The following TACC2 variants were observed in gnomAD, a reference collection of about 807,000 sequenced individuals.
TACC2 encodes the protein transforming acidic coiled-coil-containing protein 2.
In TACC2, 137 loss-of-function variants were observed where a neutral mutation model predicts 227.3. The ratio of observed to expected loss-of-function variants is 0.60; its 90% CI spans 0.52 to 0.69. TACC2 has a LOEUF of 0.69. Ranked by LOEUF, TACC2 falls within the 30% of genes least tolerant of loss-of-function variation. The pLI, the probability that TACC2 is intolerant of heterozygous loss-of-function variation, is 0.00. For synonymous variants in TACC2, 1,523 were observed against 1,487.5 expected (o/e 1.02, Z -0.55); for missense variants, 3,470 against 3,694.4 (o/e 0.94, Z 1.57).
intron 1 of TACC2, among the ~76,000 whole-genome samples, chr10:122,012,579 T>C (rs1956087209): frequency 6.6e-6 from 1 of 152,088 alleles, no homozygotes; most frequent in Admixed American, 6.6e-5. Context: ...TTTAATAGAA[T>C]TCAATATATG....
At chr10:122,104,875 C>T (rs367621320) in intron 5 of TACC2, among the ~76,000 whole-genome samples, 4 of 152,210 alleles carry the variant, frequency 2.6e-5, no homozygotes, top group South Asian at 2.1e-4. Flanking sequence ...CCTCTTCCAA[C>T]GCTGGTTAAA....
chr10:122,213,529 A>G (rs2095340411), intron 9 of TACC2, among the ~76,000 whole-genome samples: 1 of 152,230 alleles, frequency 6.6e-6, no homozygotes, highest in Non-Finnish European at 1.5e-5. Flanking sequence ...GGGGCTCCCC[A>G]GTAGCAAAGA....
chr10:122,062,476 AAT>A (rs1491245351), intron 3 of TACC2, among the ~76,000 whole-genome samples: 2 of 39,850 alleles, frequency 5.0e-5, no homozygotes, highest in Non-Finnish European at 1.4e-4. Flanking sequence ...GCTAATTTTG[AAT>A]TTTTTTTTTT....
Position 122,087,775 on chromosome 10 carries a change from G to A in TACC2, c.5275G>A (p.Glu1759Lys). 2.5e-6 allele frequency: 4 copies of A among 1,605,850 alleles called. No homozygotes were observed. Among genetic ancestry groups the A allele is most frequent in the Non-Finnish European group, 3.4e-6 (4 of 1,176,118 alleles). The change falls in exon 4 of 23, where the codon GAG (glutamate) becomes AAG (lysine). Residue 1759 changes from glutamate to lysine, a missense_variant. Glu to Lys is a moderately conservative substitution (Grantham distance 56). Transcript: ENST00000369005. ...CTGCTCTGACAAGGCTCCGGGGATG[G>A]AGGGTACAGCTGCCCTTCATGGGGA... is the stretch of plus-strand genomic sequence containing the variant. The part of the protein sequence containing the change: ...PACSDKAPGM[E>K]GTAALHGDSP...
At position 122,235,233 on chromosome 10, in the gene TACC2, A is replaced by G. The variant is rs112352189; in HGVS notation, c.8128-2162A>G. On this transcript the variant is annotated intron_variant, in intron 16 of 22. Coordinates refer to ENST00000369005, the MANE Select transcript of TACC2 (RefSeq NM_206862.4). ...CTCCCCAGTAGCTGGGATTACAGGC[A>G]TGCACCACCACACCTGGCTAGTTTT... Among the ~76,000 whole-genome samples, 21 of 152,234 alleles carry G rather than the reference A, an allele frequency of 1.4e-4. 2 individuals are homozygous for G. The highest frequency in any genetic ancestry group is 4.8e-4 in the African/African-American group (20 of 41,550).
intron 16 of TACC2, among the ~76,000 whole-genome samples, chr10:122,230,760 A>G (rs1041135710): frequency 1.3e-5 from 2 of 152,236 alleles, no homozygotes; most frequent in African/African-American, 4.8e-5. Context: ...GTTAGCACCA[A>G]TTCAACAGAG....
intron 19 of TACC2, chr10:122,246,378 G>T (rs2096119644): frequency 6.6e-6 from 1 of 152,196 alleles, no homozygotes; most frequent in Non-Finnish European, 1.5e-5. Flanking sequence ...CGGTAACAGT[G>T]TGCCTAGTCC....
chr10:122,075,052 A>G (rs535990886), intron 3 of TACC2, among the ~76,000 whole-genome samples: 4 of 152,050 alleles, frequency 2.6e-5, no homozygotes, highest in Non-Finnish European at 5.9e-5. Context: ...AACCCTTTCC[A>G]CCAGACTCTA....
At chr10:122,114,470 C>A (rs1379116293) in intron 5 of TACC2, among the ~76,000 whole-genome samples, 2 of 152,204 alleles carry the variant, frequency 1.3e-5, no homozygotes, top group African/African-American at 2.4e-5. Flanking sequence ...AGTTCCCTCC[C>A]GGAGCAGCTG....
At chr10:122,147,599 C>G (rs1195522434) in intron 7 of TACC2, among the ~76,000 whole-genome samples, 1 of 152,126 alleles carries the variant, frequency 6.6e-6, no homozygotes, top group Non-Finnish European at 1.5e-5. Context: ...TTTTTCTGTT[C>G]TCCTTCATTT....
chr10:122,243,617 A>T (rs1289017748), intron 19 of TACC2, among the ~76,000 whole-genome samples: 1 of 145,184 alleles, frequency 6.9e-6, no homozygotes, highest in Non-Finnish European at 1.5e-5. Context: ...TGGATAAGAT[A>T]AAAAAAAAAA....
In TACC2 at chr10:122,109,077, G is replaced by T. The variant is rs984058141; in HGVS notation, c.5573+20486G>T. On this transcript the variant is annotated intron_variant, in intron 5 of 22. Coordinates refer to ENST00000369005, the MANE Select transcript of TACC2 (RefSeq NM_206862.4). ...TGTTAATTGATGGGCATTTGAGCTG[G>T]TTTCATATTTTTTCAGTTGCAAATT... Among the ~76,000 whole-genome samples the T allele has an allele frequency of 9.2e-5, 14 of 152,156 alleles. No individual in the cohort carries two copies. The South Asian group carries it at 2.1e-3, about 23-fold the overall frequency.
chr10:122,132,856 G>A, intron 6 of TACC2, 122 bp downstream of exon 6: 4 of 993,084 alleles, frequency 4.0e-6, no homozygotes, highest in Non-Finnish European at 4.5e-6. Context: ...CACCCCCTCT[G>A]CACACACACA....
intron 7 of TACC2, among the ~76,000 whole-genome samples, chr10:122,187,517 GT>G (rs1212986611): frequency 6.6e-6 from 1 of 151,822 alleles, no homozygotes; most frequent in African/African-American, 2.4e-5. Context: ...CTGAGACAGA[GT>G]CTCGCTCTGT....
rs2095277754 is a variant in TACC2 at position 122,210,963 on chromosome 10, A to G, written c.6538A>G (p.Thr2180Ala). 6.2e-7 allele frequency: 1 copy of G among 1,613,818 alleles called. No individual in the cohort carries two copies. Among genetic ancestry groups the G allele is most frequent in the East Asian group, 2.2e-5 (1 of 44,874 alleles). ...TGAGACGAAAACGGAATCTGCCAAG[A>G]CGGAAGGTCCTAGCCCAGCCTTATT... is the stretch of plus-strand genomic sequence containing the variant. The part of the protein sequence containing the change: ...ASETKTESAK[T>A]EGPSPALLEE... Residue 2180 changes from threonine (T) to alanine (A), a missense_variant, in exon 9 of 23, where the codon ACG becomes GCG. Physicochemically the swap from Thr to Ala is moderately conservative, Grantham distance 58. Around this residue, in one of 10 missense-constraint regions of TACC2, gnomAD observed 593 missense variants for 636.6 expected, o/e 0.93. Transcript: ENST00000369005. This position sits in a 1 kb window ranked among gnomAD's most constrained non-coding sequence, Gnocchi z 4.6.
intron 6 of TACC2, among the ~76,000 whole-genome samples, chr10:122,139,380 C>T (rs917430489): frequency 2.0e-5 from 3 of 152,298 alleles, no homozygotes; most frequent in East Asian, 1.9e-4. Flanking sequence ...ATCTCACCAA[C>T]GACCAGAAAT....
chr10:122,080,915 A>C (rs1428151620), intron 3 of TACC2, among the ~76,000 whole-genome samples: 1 of 152,178 alleles, frequency 6.6e-6, no homozygotes, highest in African/African-American at 2.4e-5. Context: ...AGATTCCATA[A>C]ATTTTCCTTT....
At chr10:122,176,415 C>T (rs987073696) in intron 7 of TACC2, among the ~76,000 whole-genome samples, 4 of 152,042 alleles carry the variant, frequency 2.6e-5, no homozygotes, top group African/African-American at 4.8e-5. Flanking sequence ...CTCTTGCGCC[C>T]TCGGTTGGAC....
At position 122,074,075 on chromosome 10, in the gene TACC2, C is replaced by T. The variant is rs560458722; in HGVS notation, c.147-8572C>T. 1.1e-3 allele frequency among the ~76,000 whole-genome samples: 145 copies of T among 132,976 alleles called. 1 individual carries two copies. The highest frequency in any genetic ancestry group is 4.0e-3 in the Middle Eastern group (1 of 250). 87.2% of individuals were successfully genotyped at this position (132,976 alleles called of 152,430 possible). On this transcript the variant is annotated intron_variant, in intron 3 of 22. Coordinates refer to ENST00000369005, the MANE Select transcript of TACC2 (RefSeq NM_206862.4). The stretch of plus-strand genomic sequence containing the variant: ...GATTACAGGCGTAAGTCACAGCACC[C>T]GGCATCTTTTTTTTTTTTTTTTTGA...
Sources: allele counts gnomAD v4.1 joint callset (sites outside exome capture counted in the v4.1 genomes callset), GRCh38; gene constraint gnomAD v4.1.1; regional missense constraint gnomAD v4.1.1; non-coding constraint Gnocchi (gnomAD v3.1); transcripts MANE v1.5; gene names NCBI Gene and HGNC (gene_info 2026-07-23, HGNC 2026-07-21).